The following TOMM20 variants were observed in gnomAD, a reference collection of about 807,000 sequenced individuals.
TOMM20 encodes translocase of outer mitochondrial membrane 20.
Under a neutral mutation model 22.1 loss-of-function variants are expected in TOMM20, and 10 were observed. That is an observed-to-expected ratio of 0.45 (90% CI 0.28 to 0.77). The LOEUF (loss-of-function observed/expected upper bound fraction) is 0.77, where lower values mean the gene tolerates loss of function less well. Among genes scored for constraint, TOMM20 ranks in the 30% least tolerant of loss-of-function variants. The pLI is 0.13. For synonymous variants in TOMM20, 55 were observed against 61.4 expected, an observed-to-expected ratio of 0.90 and a Z score of 0.49; for missense variants, 121 against 172.2, an observed-to-expected ratio of 0.70 and a Z score of 1.66.
chr1:235,124,959 CATTT>C (rs1660986536), intron 1 of TOMM20, among the ~76,000 whole-genome samples: 1 of 152,156 alleles, frequency 6.6e-6, no homozygotes, highest in African/African-American at 2.4e-5. Context: ...AAGATTTATT[CATTT>C]AAATAAGATG....
At chr1:235,118,946 G>A (rs1036415620) in intron 3 of TOMM20, among the ~76,000 whole-genome samples, 1 of 152,170 alleles carries the variant, frequency 6.6e-6, no homozygotes, top group Non-Finnish European at 1.5e-5. Flanking sequence ...AAGGGGAGAC[G>A]TGATAAAGTT....
intron 3 of TOMM20, among the ~76,000 whole-genome samples, chr1:235,117,048 T>C (rs1362154387): frequency 7.6e-6 from 1 of 130,820 alleles, no homozygotes; most frequent in Non-Finnish European, 1.5e-5. Context: ...GGCAGGAGGA[T>C]GACATGAACC....
intron 2 of TOMM20, among the ~76,000 whole-genome samples, chr1:235,120,794 G>A (rs577732165): frequency 2.0e-5 from 3 of 147,774 alleles, no homozygotes; most frequent in Middle Eastern, 3.5e-3. Context: ...TTGAACCCAC[G>A]AGGTCGAGGC....
At chr1:235,116,963 G>C (rs761462574) in intron 3 of TOMM20, among the ~76,000 whole-genome samples, 4 of 149,840 alleles carry the variant, frequency 2.7e-5, no homozygotes, top group Non-Finnish European at 4.4e-5. Flanking sequence ...GTGAAACCCC[G>C]TCTCTACTAA....
rs1660718874 is a variant in TOMM20 at position 235,110,280 on chromosome 1, T to C, written c.*1784A>G. On this transcript the variant is annotated 3_prime_UTR_variant, in exon 5 of 5. Transcript: ENST00000366607. ...GCCAGCCCTCCTTTTTCTGAGCCCA[T>C]TCTTTCCTTGCTGAGCTATCTGCCC... The C allele has an allele frequency of 6.6e-6, 1 of 152,288 alleles. No individual in the cohort carries two copies. The highest frequency in any genetic ancestry group is 2.4e-5 in the African/African-American group (1 of 41,404). The allele number at this position is 152,288 out of a possible 1,614,324, so 9.4% of individuals were successfully genotyped here. A position where few individuals can be genotyped will look rare whatever the true frequency, so the allele number is the denominator to read the frequency against.
rs2102806068 is a variant in TOMM20 at position 235,110,620 on chromosome 1, T to C, written c.*1444A>G. On this transcript the variant is annotated 3_prime_UTR_variant, in exon 5 of 5. Transcript: ENST00000366607. ...AAGTTCAAAGATGAAATGTGATTTG[T>C]TCAAGGCTGTGCGGCTAATCAGAGG... 1 of 152,306 alleles carries C rather than the reference T, an allele frequency of 6.6e-6. No individual in the cohort carries two copies. The highest frequency in any genetic ancestry group is 2.1e-4 in the South Asian group (1 of 4,826). The allele number at this position is 152,306 out of a possible 1,614,324, so 9.4% of individuals were successfully genotyped here. A position where few individuals can be genotyped will look rare whatever the true frequency, so the allele number is the denominator to read the frequency against.
At chr1:235,118,631 A>G (rs930352296) in intron 3 of TOMM20, among the ~76,000 whole-genome samples, 4 of 152,178 alleles carry the variant, frequency 2.6e-5, no homozygotes, top group African/African-American at 9.7e-5. Context: ...GGTTCAAGGT[A>G]TCCTCCTACT....
chr1:235,128,399 A>T (rs1418478967), intron 1 of TOMM20, among the ~76,000 whole-genome samples, 196 bp downstream of exon 1: 1 of 152,204 alleles, frequency 6.6e-6, no homozygotes, highest in Admixed American at 6.5e-5. Context: ...AAACGGGAAA[A>T]ATCCTTCCTC....
rs1404319287 is a variant in TOMM20, at chr1:235,110,087, C to T, written c.*1977G>A. On this transcript the variant is annotated 3_prime_UTR_variant, in exon 5 of 5. Coordinates refer to ENST00000366607, the MANE Select transcript of TOMM20 (RefSeq NM_014765.3). ...CAAAGTTGTCATTTAAATAAGAAAA[C>T]GTACTTGGGTTAATGAACTGTAAAA... The T allele has an allele frequency of 6.6e-6, 1 of 152,112 alleles. No individual in the cohort carries two copies. Among genetic ancestry groups the T allele is most frequent in the Admixed American group, 6.6e-5 (1 of 15,258 alleles). The allele number at this position is 152,112 out of a possible 1,614,324, so 9.4% of individuals were successfully genotyped here.
chr1:235,112,283 G>A (rs1660752148), intron 4 of TOMM20, among the ~76,000 whole-genome samples, 175 bp from the exon 5 acceptor site: 1 of 152,142 alleles, frequency 6.6e-6, no homozygotes, highest in Non-Finnish European at 1.5e-5. Flanking sequence ...AGAAAACAAT[G>A]ATCATACTAC....
intron 1 of TOMM20, 137 bp from the exon 2 acceptor site, chr1:235,122,509 T>C: frequency 1.4e-6 from 1 of 734,710 alleles, no homozygotes; most frequent in East Asian, 2.8e-5. Context: ...CCCTGTGATC[T>C]GTCAAGAGCA....
chr1:235,117,517 A>G (rs1001435449), intron 3 of TOMM20, among the ~76,000 whole-genome samples: 1 of 151,844 alleles, frequency 6.6e-6, no homozygotes, highest in Non-Finnish European at 1.5e-5. Flanking sequence ...GATCAATCTT[A>G]CTAATTTTTA....
In TOMM20 at chr1:235,119,838, C is replaced by A; in HGVS notation, c.230G>T (p.Gly77Val). 1 of 1,612,064 alleles carries A rather than the reference C, an allele frequency of 6.2e-7. No individual in the cohort carries two copies. Among genetic ancestry groups the A allele is most frequent in the Admixed American group, 1.7e-5 (1 of 59,876 alleles). The stretch of plus-strand genomic sequence containing the variant: ...ATTACCTTGAGCTAGTAACTCTTCA[C>A]CAAGCTGTATTTCTTCAAGGAAGAA... ...QKFFLEEIQLGEELLAQGEYE... is the reference protein window; with the variant it reads ...QKFFLEEIQLVEELLAQGEYE... The change falls in exon 3 of 5, where the codon GGT becomes GTT. Residue 77 changes from glycine to valine, a missense_variant. Gly to Val is a moderately radical substitution (Grantham distance 109). Transcript: ENST00000366607.
rs549683115 is a variant in TOMM20 at position 235,116,992 on chromosome 1, G to A, written c.250+2826C>T. On this transcript the variant is annotated intron_variant, in intron 3 of 4. Coordinates refer to ENST00000366607, the MANE Select transcript of TOMM20 (RefSeq NM_014765.3). Reference sequence around the variant, plus strand: ...CTACTAAAAATACAAAAAACTAGCCGGGCGTGGTGGTGGGCGCCTGTAGTC... The same window carrying A: ...CTACTAAAAATACAAAAAACTAGCCAGGCGTGGTGGTGGGCGCCTGTAGTC... Among the ~76,000 whole-genome samples the A allele has an allele frequency of 2.0e-3, 304 of 151,538 alleles. 2 individuals are homozygous for A. Among genetic ancestry groups the A allele is most frequent in the Middle Eastern group, 0.017 (5 of 294 alleles).
Position 235,126,802 on chromosome 1 carries a change from AAAC to A in TOMM20, c.121+1790_121+1792del, listed in dbSNP as rs952603331. ...GCGACAGAGCGAGACTCAAACAAAC[AAAC>A]AACAACAACAAAAAATCTCTAGCAT... On this transcript the variant is annotated intron_variant, in intron 1 of 4. Transcript: ENST00000366607. 3.1e-4 allele frequency among the ~76,000 whole-genome samples: 47 copies of A among 152,272 alleles called. 1 individual carries two copies. Among genetic ancestry groups the A allele is most frequent in the Admixed American group, 2.2e-3 (34 of 15,294 alleles).
chr1:235,116,939 T>C (rs11579704), intron 3 of TOMM20, among the ~76,000 whole-genome samples: 28 of 149,996 alleles, frequency 1.9e-4, no homozygotes, highest in African/African-American at 2.5e-4. Context: ...ATCGAGACCA[T>C]CCTGGCTAAC....
intron 1 of TOMM20, among the ~76,000 whole-genome samples, 156 bp downstream of exon 1, chr1:235,128,439 C>T (rs67807017): frequency 0.16 from 24,651 of 152,226 alleles, 2,227 homozygotes; most frequent in Middle Eastern, 0.23. Flanking sequence ...GGCACTAGAG[C>T]CCCCGGAGCG....
chr1:235,114,735 C>G (rs1372467463), intron 3 of TOMM20, among the ~76,000 whole-genome samples: 2 of 152,016 alleles, frequency 1.3e-5, no homozygotes, highest in East Asian at 3.9e-4. Context: ...CCACGCCCAG[C>G]CTATTTTATC....
chr1:235,116,943 G>A (rs973371596), intron 3 of TOMM20, among the ~76,000 whole-genome samples: 10 of 150,454 alleles, frequency 6.6e-5, no homozygotes, highest in Non-Finnish European at 1.2e-4. Context: ...AGACCATCCT[G>A]GCTAACATGG....
Sources: gnomAD v4.1 joint callset for allele counts (sites outside exome capture counted in the v4.1 genomes callset) on GRCh38, gnomAD v4.1.1 for gene constraint, MANE v1.5 for transcripts, NCBI Gene and HGNC (gene_info 2026-07-23, HGNC 2026-07-21) for gene names.